POLR1A: variants seen among roughly 807,000 people sequenced by gnomAD.
The protein encoded by POLR1A is RNA polymerase I subunit A, also known as DNA-directed RNA polymerase I subunit RPA1.
Under a neutral mutation model 205.3 loss-of-function variants are expected in POLR1A, and 84 were observed. The observed-to-expected ratio is 0.41, with a 90% CI of 0.34 to 0.49. The LOEUF is 0.49. Among genes scored for constraint, POLR1A ranks in the 20% least tolerant of loss-of-function variants. The pLI is 0.22. For missense variants in POLR1A, 1,645 were observed against 2,204.5 expected, an observed-to-expected ratio of 0.75 and a Z score of 5.08; for synonymous variants, 799 against 863.7, an observed-to-expected ratio of 0.93 and a Z score of 1.31.
rs374803213 is a variant in POLR1A, at chr2:86,088,861, C to T, written c.550G>A (p.Val184Met). ...LGSQGAHVKN[V>M]CESKSKLIAL... ...ATGAGCTTGCTCTTGCTCTCACACA[C>T]GTTCTTTACCTGTTTTTTTAAAAAA... Residue 184 changes from valine (V) to methionine (M), a missense_variant, in exon 5 of 34, where the codon GTG becomes ATG. Around this residue, in one of 16 missense-constraint regions of POLR1A, gnomAD observed 330 missense variants for 375.6 expected, o/e 0.88. Coordinates refer to ENST00000263857, the MANE Select transcript of POLR1A (RefSeq NM_015425.6). The T allele has an allele frequency of 1.2e-5, 20 of 1,611,126 alleles. No homozygotes were observed. Among genetic ancestry groups the T allele is most frequent in the Admixed American group, 1.7e-5 (1 of 59,584 alleles).
intron 23 of POLR1A, 29 bp from the exon 24 acceptor site, chr2:86,042,132 T>C: frequency 6.7e-7 from 1 of 1,498,246 alleles, no homozygotes; most frequent in South Asian, 1.1e-5. Flanking sequence ...CTCAGCTATG[T>C]GGGAGGGATA....
intron 7 of POLR1A, 76 bp downstream of exon 7, chr2:86,083,006 A>G: frequency 1.8e-6 from 2 of 1,095,530 alleles, no homozygotes; most frequent in Non-Finnish European, 2.8e-6. Context: ...AAAAGAAGTA[A>G]TAAGGCAGGG....
At chr2:86,044,391 G>A (rs761084298) in intron 21 of POLR1A, 87 bp from the exon 22 acceptor site, 3 of 1,395,200 alleles carry the variant, frequency 2.2e-6, no homozygotes, top group Non-Finnish European at 3.0e-6. Flanking sequence ...GTGGAGGGGA[G>A]GGAAAGGGGG....
At chr2:86,071,029 C>T (rs1048175886) in intron 12 of POLR1A, among the ~76,000 whole-genome samples, 1 of 151,938 alleles carries the variant, frequency 6.6e-6, no homozygotes, top group South Asian at 2.1e-4. Context: ...ACCTGACTGC[C>T]CCATAGAAGG....
chr2:86,089,306 A>C (rs1673561089), intron 4 of POLR1A, among the ~76,000 whole-genome samples: 1 of 152,356 alleles, frequency 6.6e-6, no homozygotes, highest in African/African-American at 2.4e-5. Flanking sequence ...CTGGCAGCAG[A>C]TGGGAATCAT....
intron 16 of POLR1A, among the ~76,000 whole-genome samples, chr2:86,050,336 A>C (rs1376984342): frequency 6.6e-6 from 1 of 152,206 alleles, no homozygotes; most frequent in Non-Finnish European, 1.5e-5. Flanking sequence ...AATATTTGGA[A>C]TTCCCAACGC....
At chr2:86,083,634 T>C (rs1467335986) in intron 6 of POLR1A, among the ~76,000 whole-genome samples, 1 of 152,234 alleles carries the variant, frequency 6.6e-6, no homozygotes, top group Non-Finnish European at 1.5e-5. Flanking sequence ...TAAGGATGAT[T>C]CCTAATTCAC....
At position 86,045,681 on chromosome 2, in the gene POLR1A, T is replaced by G. The variant is rs771255470; in HGVS notation, c.2822A>C (p.Tyr941Ser). 6.2e-7 allele frequency: 1 copy of G among 1,613,298 alleles called. No individual in the cohort carries two copies. The highest frequency in any genetic ancestry group is 1.3e-5 in the African/African-American group (1 of 74,730). Residue 941 changes from tyrosine to serine, a missense_variant, in exon 20 of 34, where the codon TAT becomes TCT. By Grantham distance (144) the Tyr-to-Ser change is moderately radical. This residue lies in a region of POLR1A where 339 missense variants were observed against 415.1 expected (regional missense o/e 0.82). Coordinates refer to ENST00000263857, the MANE Select transcript of POLR1A (RefSeq NM_015425.6). ...SGKSLPCFEP[Y>S]EFTPRAGGFV... ...GCCACCAGCCCTGGGGGTGAACTCA[T>G]AAGGCTCAAAGCAGGGCAGTGACTT...
intron 3 of POLR1A, among the ~76,000 whole-genome samples, chr2:86,093,626 A>G (rs1206880041): frequency 1.3e-5 from 2 of 152,202 alleles, no homozygotes; most frequent in Non-Finnish European, 2.9e-5. Context: ...TCAGGAGTTC[A>G]AGGCCAGCCC....
At chr2:86,052,760 T>C (rs2104398741) in intron 16 of POLR1A, 57 bp downstream of exon 16, 10 of 1,359,654 alleles carry the variant, frequency 7.4e-6, no homozygotes, top group Non-Finnish European at 8.9e-6. Flanking sequence ...GCCTGGGAGA[T>C]GGCCAGGCGG....
Position 86,088,608 on chromosome 2 carries a change from T to G in POLR1A, c.688A>C (p.Met230Leu). 6.2e-7 allele frequency: 1 copy of G among 1,614,028 alleles called. No homozygotes were observed. The highest frequency in any genetic ancestry group is 8.5e-7 in the Non-Finnish European group (1 of 1,179,862). Reference protein sequence around the residue: ...NSKLTITFPAMVHRTAGQKDS... With the variant: ...NSKLTITFPALVHRTAGQKDS... ...TTCTGGCCAGCTGTCCTGTGCACCA[T>G]GGCTGGAAACGTGATAGTCAACTTG... The change falls in exon 6 of 34, where the codon ATG becomes CTG. Residue 230 changes from methionine to leucine, a missense_variant. Around this residue, in one of 16 missense-constraint regions of POLR1A, gnomAD observed 330 missense variants for 375.6 expected, o/e 0.88. Coordinates refer to ENST00000263857, the MANE Select transcript of POLR1A (RefSeq NM_015425.6).
intron 14 of POLR1A, among the ~76,000 whole-genome samples, chr2:86,062,924 A>T (rs1432298244): frequency 6.6e-6 from 1 of 152,252 alleles, no homozygotes; most frequent in Non-Finnish European, 1.5e-5. Flanking sequence ...CTATAAATTC[A>T]GTAACTTAGA....
chr2:86,059,131 A>T (rs1672952214), intron 14 of POLR1A, among the ~76,000 whole-genome samples: 1 of 152,094 alleles, frequency 6.6e-6, no homozygotes, highest in Non-Finnish European at 1.5e-5. Flanking sequence ...AATACAACAC[A>T]GGAGGGGTTA....
At chr2:86,027,851 G>T in intron 33 of POLR1A, 34 bp downstream of exon 33, 1 of 1,612,082 alleles carries the variant, frequency 6.2e-7, no homozygotes, top group South Asian at 1.1e-5. Flanking sequence ...GTCGTCAGTA[G>T]AGGGGAGGCC....
Position 86,040,515 on chromosome 2 carries a change from TCA to T in POLR1A, c.3615_3616del (p.Cys1205Ter). On this transcript the variant is annotated stop_gained and frameshift_variant, in exon 25 of 34. Coordinates refer to ENST00000263857, the MANE Select transcript of POLR1A (RefSeq NM_015425.6). LOFTEE classifies it high-confidence loss of function. Reference sequence around the variant, plus strand: ...CAGCAGGCCCACAGCCTCGCCCGGCTCACACAGTGAGCGCTGCCACTTCAGCT... The same window carrying T: ...CAGCAGGCCCACAGCCTCGCCCGGCTCACAGTGAGCGCTGCCACTTCAGCT... 6.2e-7 allele frequency: 1 copy of T among 1,607,618 alleles called. No individual in the cohort carries two copies. The highest frequency in any genetic ancestry group is 8.5e-7 in the Non-Finnish European group (1 of 1,177,000).
intron 20 of POLR1A, 112 bp from the exon 21 acceptor site, chr2:86,045,472 TC>T: frequency 8.0e-7 from 1 of 1,244,526 alleles, no homozygotes; most frequent in Non-Finnish European, 1.2e-6. Flanking sequence ...GCCACTCCCT[TC>T]CCTGATCTCC....
intron 14 of POLR1A, among the ~76,000 whole-genome samples, chr2:86,054,981 A>G (rs1434518510): frequency 6.6e-6 from 1 of 152,202 alleles, no homozygotes; most frequent in East Asian, 1.9e-4. Flanking sequence ...TGCCTGCAGC[A>G]GGCCCCACAA....
Position 86,068,388 on chromosome 2 carries a change from G to GC in POLR1A, c.1866+1629_1866+1630insG, listed in dbSNP as rs985989126. Among the ~76,000 whole-genome samples the GC allele has an allele frequency of 1.7e-4, 20 of 116,960 alleles. 4 individuals carry two copies. Among genetic ancestry groups the GC allele is most frequent in the Non-Finnish European group, 2.5e-4 (14 of 55,752 alleles). 76.7% of individuals were successfully genotyped at this position (116,960 alleles called of 152,430 possible). ...ACACGCACAGCCAAGCACATGGGCG[G>GC]GGGGGGGGGGCGGGTGTCGTCCAAA... is the stretch of plus-strand genomic sequence containing the variant. On this transcript the variant is annotated intron_variant, in intron 13 of 33. Coordinates refer to ENST00000263857, the MANE Select transcript of POLR1A (RefSeq NM_015425.6).
At chr2:86,092,272 T>A (rs1379702505) in intron 3 of POLR1A, among the ~76,000 whole-genome samples, 1 of 152,194 alleles carries the variant, frequency 6.6e-6, no homozygotes, top group Non-Finnish European at 1.5e-5. Flanking sequence ...GCTGGGCATA[T>A]CCTACGGTCC....
Sources: gnomAD v4.1 joint callset for allele counts (sites outside exome capture counted in the v4.1 genomes callset) on GRCh38, gnomAD v4.1.1 for gene constraint, gnomAD v4.1.1 regional missense constraint, MANE v1.5 for transcripts, NCBI Gene and HGNC (gene_info 2026-07-23, HGNC 2026-07-21) for gene names.